Variants in ZNF524 observed in about 807,000 individuals in gnomAD.
ZNF524 encodes zinc finger protein 524.
For missense variants in ZNF524, 388 were observed against 380.1 expected, an observed-to-expected ratio of 1.02 and a Z score of -0.17; for synonymous variants, 194 against 166.3, an observed-to-expected ratio of 1.17 and a Z score of -1.28.
At chr19:55,600,017 C>T (rs1403077059), upstream of ZNF524, 2 of 152,260 alleles carry the variant, frequency 1.3e-5, no homozygotes, top group South Asian at 2.1e-4. Context: ...TCCCGCTCCT[C>T]ATCATTCGGT....
rs1600002013 is a variant in ZNF524 at position 55,602,935 on chromosome 19, G to A, written c.*28G>A. On this transcript the variant is annotated 3_prime_UTR_variant, in exon 2 of 2. Transcript: ENST00000301073. ...CACACCCCCGGCCATCGCTCCCTGG[G>A]CCAGGTTTAGAGCAGGGAGTTTGGC... The A allele has an allele frequency of 1.3e-6, 2 of 1,517,804 alleles. No individual in the cohort carries two copies. Among genetic ancestry groups the A allele is most frequent in the Non-Finnish European group, 1.8e-6 (2 of 1,128,282 alleles). 94.0% of individuals were successfully genotyped at this position (1,517,804 alleles called of 1,614,324 possible).
In ZNF524 at chr19:55,602,261, T is replaced by TCCCTCGCAAGCGGGGCCGCCCC; in HGVS notation, c.153_174dup (p.Lys59SerfsTer38). 6.2e-7 allele frequency: 1 copy of TCCCTCGCAAGCGGGGCCGCCCC among 1,606,794 alleles called. No homozygotes were observed. The highest frequency in any genetic ancestry group is 8.5e-7 in the Non-Finnish European group (1 of 1,177,002). On this transcript the variant is annotated frameshift_variant, in exon 2 of 2. Coordinates refer to ENST00000301073, the MANE Select transcript of ZNF524 (RefSeq NM_153219.4). LOFTEE classifies it low-confidence loss of function (END_TRUNC). Reference sequence around the variant, plus strand: ...TCAAATCGGACACTCAAGGCCTCCCTCCCTCGCAAGCGGGGCCGCCCCCCC... The same window carrying TCCCTCGCAAGCGGGGCCGCCCC: ...TCAAATCGGACACTCAAGGCCTCCCTCCCTCGCAAGCGGGGCCGCCCCCCCTCGCAAGCGGGGCCGCCCCCCC...
Position 55,602,624 on chromosome 19 carries a change from G to A in ZNF524, c.512G>A (p.Arg171His). 1.9e-6 allele frequency: 3 copies of A among 1,580,110 alleles called. No individual in the cohort carries two copies. Among genetic ancestry groups the A allele is most frequent in the South Asian group, 1.1e-5 (1 of 88,862 alleles). Reference sequence around the variant, plus strand: ...ATCCATGCCGGCCTGCGGCCCTTCCGCTGCCCGCTGTGCCCCCGCCGCTTC... The same window carrying A: ...ATCCATGCCGGCCTGCGGCCCTTCCACTGCCCGCTGTGCCCCCGCCGCTTC... ...CNIHAGLRPF[R>H]CPLCPRRFRE... Residue 171 changes from arginine to histidine, a missense_variant, in exon 2 of 2, where the codon CGC (arginine) becomes CAC (histidine). Coordinates refer to ENST00000301073, the MANE Select transcript of ZNF524 (RefSeq NM_153219.4).
Position 55,602,588 on chromosome 19 carries a change from G to T in ZNF524, c.476G>T (p.Arg159Leu). ...KTFKRSSHLR[R>L]HCNIHAGLRP... ...TTCAAGCGCTCCAGCCACCTGCGGC[G>T]GCACTGCAACATCCATGCCGGCCTG... is the stretch of plus-strand genomic sequence containing the variant. The change falls in exon 2 of 2, where the codon CGG becomes CTG. Residue 159 changes from arginine to leucine, a missense_variant. Transcript: ENST00000301073. 6.3e-7 allele frequency: 1 copy of T among 1,584,682 alleles called. No individual in the cohort carries two copies. The highest frequency in any genetic ancestry group is 2.3e-5 in the East Asian group (1 of 43,494).
At chr19:55,599,905 T>G (rs1980557398), upstream of ZNF524, 1 of 152,116 alleles carries the variant, frequency 6.6e-6, no homozygotes, top group Non-Finnish European at 1.5e-5. Flanking sequence ...CCAACTGCAA[T>G]ACAGAGCTGG....
chr19:55,602,554 G>C lies in ZNF524; in HGVS notation c.442G>C (p.Gly148Arg). 10 of 1,590,832 alleles carry C rather than the reference G, an allele frequency of 6.3e-6. No homozygotes were observed. Among genetic ancestry groups the C allele is most frequent in the Non-Finnish European group, 8.5e-6 (10 of 1,174,702 alleles). ...ELKPHQCKVC[G>R]KTFKRSSHLR... The stretch of plus-strand genomic sequence containing the variant: ...GAAGCCGCACCAGTGCAAGGTTTGC[G>C]GCAAGACCTTCAAGCGCTCCAGCCA... Residue 148 changes from glycine (G) to arginine (R), a missense_variant, in exon 2 of 2, where the codon GGC (glycine) becomes CGC (arginine). Physicochemically the swap from Gly to Arg is moderately radical, Grantham distance 125. Coordinates refer to ENST00000301073, the MANE Select transcript of ZNF524 (RefSeq NM_153219.4).
At chr19:55,601,098 T>C (rs761507785) in intron 1 of ZNF524, 4 of 152,292 alleles carry the variant, frequency 2.6e-5, no homozygotes, top group Non-Finnish European at 5.9e-5. Context: ...TTGCTAGTTA[T>C]AGGCAGAGCT....
chr19:55,601,549 C>T (rs1980680206), intron 1 of ZNF524: 1 of 152,310 alleles, frequency 6.6e-6, no homozygotes, highest in Admixed American at 6.5e-5. Context: ...AGGGCCCAGG[C>T]TCTTAACATC....
In ZNF524 at chr19:55,602,140, C is replaced by T. The variant is rs1227143883; in HGVS notation, c.28C>T (p.Pro10Ser). ...GGACACCCCCAGCCCAGACCCGTTGCCTTCGCCTTTGCCCGGGGAGGAAGA... is the reference window on the plus strand; with the variant it reads ...GGACACCCCCAGCCCAGACCCGTTGTCTTCGCCTTTGCCCGGGGAGGAAGA... MDTPSPDPLPSPLPGEEEKP... is the reference protein window; with the variant it reads MDTPSPDPLSSPLPGEEEKP... Residue 10 changes from proline to serine, a missense_variant, in exon 2 of 2, where the codon CCT becomes TCT. Physicochemically the swap from Pro to Ser is moderately conservative, Grantham distance 74. Coordinates refer to ENST00000301073, the MANE Select transcript of ZNF524 (RefSeq NM_153219.4). 6.4e-7 allele frequency: 1 copy of T among 1,558,172 alleles called. No individual in the cohort carries two copies. The highest frequency in any genetic ancestry group is 1.4e-5 in the African/African-American group (1 of 73,426).
At position 55,602,396 on chromosome 19, in the gene ZNF524, C is replaced by A; in HGVS notation, c.284C>A (p.Thr95Lys). 6.3e-7 allele frequency: 1 copy of A among 1,579,292 alleles called. No homozygotes were observed. Among genetic ancestry groups the A allele is most frequent in the Non-Finnish European group, 8.6e-7 (1 of 1,164,098 alleles). The change falls in exon 2 of 2, where the codon ACG becomes AAG. Residue 95 changes from threonine (T) to lysine (K), a missense_variant. Transcript: ENST00000301073. ...LLIDDQGVPY[T>K]VSEGSAAGPE... ...ATCGATGATCAGGGTGTGCCCTATA[C>A]GGTCTCTGAAGGTTCAGCGGCTGGG...
Position 55,602,212 on chromosome 19 carries a change from C to G in ZNF524, c.100C>G (p.Arg34Gly), listed in dbSNP as rs757836781. 3 of 1,612,616 alleles carry G rather than the reference C, an allele frequency of 1.9e-6. No homozygotes were observed. Among genetic ancestry groups the G allele is most frequent in the Non-Finnish European group, 2.5e-6 (3 of 1,179,568 alleles). Residue 34 changes from arginine to glycine, a missense_variant, in exon 2 of 2, where the codon CGT becomes GGT. Transcript: ENST00000301073. ...SPPVPRGRRG[R>G]RPGGATSSNR... is the part of the protein sequence containing the mutation. ...TCCTGTTCCCCGGGGCCGCCGAGGCCGTCGTCCTGGGGGAGCCACCTCCTC... is the reference window on the plus strand; with the variant it reads ...TCCTGTTCCCCGGGGCCGCCGAGGCGGTCGTCCTGGGGGAGCCACCTCCTC...
chr19:55,600,570 CCCCGCCGCCCGCTTA>C (rs1980619013), intron 1 of ZNF524, 162 bp downstream of exon 1: 1 of 151,654 alleles, frequency 6.6e-6, no homozygotes, highest in Non-Finnish European at 1.5e-5. Context: ...TCCTGGCAGC[CCCCGCCGCCCGCTTA>C]CCCGGCGCCG....
chr19:55,599,904 A>G (rs1190515250), upstream of ZNF524: 1 of 152,254 alleles, frequency 6.6e-6, no homozygotes, highest in Non-Finnish European at 1.5e-5. Context: ...GCCAACTGCA[A>G]TACAGAGCTG....
At chr19:55,601,602 C>T (rs1980683719) in intron 1 of ZNF524, 1 of 152,488 alleles carries the variant, frequency 6.6e-6, no homozygotes, top group Non-Finnish European at 1.5e-5. Context: ...CAAATATCAC[C>T]TGGGACCAGT....
chr19:55,602,636 GC>G lies in ZNF524; in HGVS notation c.529del (p.Arg177AlafsTer?). 6.3e-7 allele frequency: 1 copy of G among 1,579,896 alleles called. No individual in the cohort carries two copies. Reference protein sequence around the residue: ...AGLRPFRCPLCPRRFREAGEL... With the variant: ...AGLRPFRCPLXPRRFREAGEL... ...CTGCGGCCCTTCCGCTGCCCGCTGT[GC>G]CCCCGCCGCTTCCGCGAGGCGGGCG... On this transcript the variant is annotated frameshift_variant, in exon 2 of 2. Coordinates refer to ENST00000301073, the MANE Select transcript of ZNF524 (RefSeq NM_153219.4). LOFTEE classifies it low-confidence loss of function (END_TRUNC).
chr19:55,602,129 C>A lies in ZNF524; in HGVS notation c.17C>A (p.Pro6Gln). Reference sequence around the variant, plus strand: ...CACTGCTCAATGGACACCCCCAGCCCAGACCCGTTGCCTTCGCCTTTGCCC... The same window carrying A: ...CACTGCTCAATGGACACCCCCAGCCAAGACCCGTTGCCTTCGCCTTTGCCC... MDTPS[P>Q]DPLPSPLPGE... The change falls in exon 2 of 2, where the codon CCA becomes CAA. Residue 6 changes from proline to glutamine, a missense_variant. Pro to Gln is a moderately conservative substitution (Grantham distance 76, BLOSUM62 -1). Transcript: ENST00000301073. The A allele has an allele frequency of 6.5e-7, 1 of 1,549,052 alleles. No individual in the cohort carries two copies. Among genetic ancestry groups the A allele is most frequent in the South Asian group, 1.2e-5 (1 of 80,404 alleles).
chr19:55,599,833 C>T (rs1489422795), upstream of ZNF524: 1 of 152,172 alleles, frequency 6.6e-6, no homozygotes, highest in East Asian at 1.9e-4. Flanking sequence ...TTTTCACAGC[C>T]TCGGACTCCT....
At chr19:55,602,026 G>A (rs780611463) in intron 1 of ZNF524, 49 bp from the exon 2 acceptor site, 86 of 1,267,042 alleles carry the variant, frequency 6.8e-5, no homozygotes, top group Non-Finnish European at 9.0e-5. Context: ...GGGGACACAG[G>A]GGTGCTCTAG....
In ZNF524 at chr19:55,602,130, A is replaced by G. The variant is rs1980711815; in HGVS notation, c.18A>G (p.Pro6=). The stretch of plus-strand genomic sequence containing the variant: ...ACTGCTCAATGGACACCCCCAGCCC[A>G]GACCCGTTGCCTTCGCCTTTGCCCG... MDTPS[P]DPLPSPLPGE... is the part of the protein sequence containing the mutation. Residue 6 remains proline, a synonymous_variant, in exon 2 of 2, where the codon CCA becomes CCG. Transcript: ENST00000301073. 5.2e-6 allele frequency: 8 copies of G among 1,548,980 alleles called. No homozygotes were observed. Among genetic ancestry groups the G allele is most frequent in the Non-Finnish European group, 7.0e-6 (8 of 1,146,822 alleles).
Sources: gnomAD v4.1 joint callset for allele counts on GRCh38, gnomAD v4.1.1 for gene constraint, MANE v1.5 for transcripts, NCBI Gene and HGNC (gene_info 2026-07-23, HGNC 2026-07-21) for gene names.